SRD5A1: variants seen among roughly 807,000 people sequenced by gnomAD.
SRD5A1 encodes steroid 5 alpha-reductase 1, also known as 3-oxo-5-alpha-steroid 4-dehydrogenase 1.
SRD5A1 carries 22 observed loss-of-function variants against 28.2 expected under a neutral mutation model. The observed-to-expected ratio is 0.78, with a 90% CI of 0.56 to 1.12. The LOEUF (loss-of-function observed/expected upper bound fraction) is 1.12. Ranked by LOEUF, SRD5A1 falls within the 50% of genes most tolerant of loss-of-function variation. The pLI is 0.00. For missense variants in SRD5A1, 300 were observed against 346.7 expected (o/e 0.87, Z 1.07); for synonymous variants, 151 against 135.0 (o/e 1.12, Z -0.82).
chr5:6,653,310 T>G (rs1738734252), intron 2 of SRD5A1: 1 of 152,252 alleles, frequency 6.6e-6, no homozygotes, highest in Non-Finnish European at 1.5e-5. Flanking sequence ...AAGATCCTTT[T>G]CTAGCTCCAG....
Position 6,673,558 on chromosome 5 carries a change from C to T in SRD5A1, c.*5290C>T, listed in dbSNP as rs779135427. 1 of 152,194 alleles carries T rather than the reference C, an allele frequency of 6.6e-6. No homozygotes were observed. Among genetic ancestry groups the T allele is most frequent in the Non-Finnish European group, 1.5e-5 (1 of 68,028 alleles). 9.4% of individuals were successfully genotyped at this position (152,194 alleles called of 1,614,324 possible). Reference sequence around the variant, plus strand: ...AAAAGGTAAACATACTCTTACTAAACAATCTAGTAGATTTGCTCCTAGGTG... The same window carrying T: ...AAAAGGTAAACATACTCTTACTAAATAATCTAGTAGATTTGCTCCTAGGTG... On this transcript the variant is annotated 3_prime_UTR_variant, in exon 5 of 5. Transcript: ENST00000274192.
At chr5:6,648,841 G>A (rs1167629673) in intron 1 of SRD5A1, among the ~76,000 whole-genome samples, 2 of 152,176 alleles carry the variant, frequency 1.3e-5, no homozygotes, top group African/African-American at 4.8e-5. Flanking sequence ...AGGAGAAGAG[G>A]CATTCTGGCT....
chr5:6,658,106 C>T (rs147124648), intron 3 of SRD5A1, among the ~76,000 whole-genome samples: 2,632 of 152,318 alleles, frequency 0.017, 35 homozygotes, highest in Non-Finnish European at 0.027. Context: ...GGGCAGATCA[C>T]ATGAGGTCCA....
At chr5:6,668,179 C>T in intron 4 of SRD5A1, 23 bp from the exon 5 acceptor site, 1 of 1,467,458 alleles carries the variant, frequency 6.8e-7, no homozygotes, top group Non-Finnish European at 9.3e-7. Context: ...GAATTATTTC[C>T]TTTTTTAATT....
intron 3 of SRD5A1, 125 bp downstream of exon 3, chr5:6,656,304 A>G: frequency 1.4e-6 from 1 of 722,466 alleles, no homozygotes; most frequent in Non-Finnish European, 2.4e-6. Flanking sequence ...AGTGTAAGTC[A>G]TCATTATTAA....
At position 6,673,024 on chromosome 5, in the gene SRD5A1, A is replaced by G. The variant is rs1006599527; in HGVS notation, c.*4756A>G. 4 of 152,196 alleles carry G rather than the reference A, an allele frequency of 2.6e-5. No individual in the cohort carries two copies. Among genetic ancestry groups the G allele is most frequent in the Non-Finnish European group, 2.9e-5 (2 of 68,036 alleles). The allele number at this position is 152,196 out of a possible 1,614,324, so 9.4% of individuals were successfully genotyped here. A position where few individuals can be genotyped will look rare whatever the true frequency, so the allele number is the denominator to read the frequency against. ...TGCAAAGCAGCAAAATCTGCTCTCA[A>G]AGGCTTCACGTAGCCGGGAAAACTC... On this transcript the variant is annotated 3_prime_UTR_variant, in exon 5 of 5. Transcript: ENST00000274192.
rs1465581084 is a variant in SRD5A1, at chr5:6,674,097, T to C, written c.*5829T>C. 1 of 151,864 alleles carries C rather than the reference T, an allele frequency of 6.6e-6. No individual in the cohort carries two copies. Among genetic ancestry groups the C allele is most frequent in the African/African-American group, 2.4e-5 (1 of 41,396 alleles). 9.4% of individuals were successfully genotyped at this position (151,864 alleles called of 1,614,324 possible). ...ATGAATGCTAATGTAAACTCTGGAT[T>C]TTTATTAATAATATTATTTAATTAA... On this transcript the variant is annotated 3_prime_UTR_variant, in exon 5 of 5. Transcript: ENST00000274192.
intron 4 of SRD5A1, among the ~76,000 whole-genome samples, chr5:6,666,272 T>C (rs1016294995): frequency 3.9e-5 from 6 of 152,138 alleles, no homozygotes; most frequent in Non-Finnish European, 5.9e-5. Context: ...CTCAGCCTCC[T>C]GAGTAGCTGG....
intron 1 of SRD5A1, among the ~76,000 whole-genome samples, chr5:6,644,076 C>A (rs1738439510): frequency 6.6e-6 from 1 of 152,220 alleles, no homozygotes; most frequent in Admixed American, 6.5e-5. Flanking sequence ...GAGGGAACGT[C>A]CACCACATAC....
At chr5:6,638,243 G>A (rs1291543156) in intron 1 of SRD5A1, among the ~76,000 whole-genome samples, 1 of 152,238 alleles carries the variant, frequency 6.6e-6, no homozygotes, top group Non-Finnish European at 1.5e-5. Flanking sequence ...GGAGGCTGAG[G>A]CAGGAGAATC....
At chr5:6,663,646 G>T (rs367695421) in intron 4 of SRD5A1, among the ~76,000 whole-genome samples, 1 of 152,150 alleles carries the variant, frequency 6.6e-6, no homozygotes, top group African/African-American at 2.4e-5. Context: ...GATCACTTGA[G>T]GTCAGGAGTT....
At chr5:6,666,413 A>G (rs543716293) in intron 4 of SRD5A1, among the ~76,000 whole-genome samples, 110 of 152,308 alleles carry the variant, frequency 7.2e-4, no homozygotes, top group East Asian at 1.9e-3. Flanking sequence ...CTCCCAAAGC[A>G]CTGGAATTAC....
chr5:6,672,075 C>T lies in SRD5A1; in HGVS notation c.*3807C>T, dbSNP rs1205263623. ...ACTATGCTGAACAATCCACTGACCA[C>T]TGCAGGCTCCCATTTATGATCTTGG... On this transcript the variant is annotated 3_prime_UTR_variant, in exon 5 of 5. Transcript: ENST00000274192. The T allele has an allele frequency of 6.6e-6, 1 of 152,308 alleles. No individual in the cohort carries two copies. Among genetic ancestry groups the T allele is most frequent in the African/African-American group, 2.4e-5 (1 of 41,460 alleles). 9.4% of individuals were successfully genotyped at this position (152,308 alleles called of 1,614,324 possible).
intron 3 of SRD5A1, among the ~76,000 whole-genome samples, chr5:6,662,167 A>G (rs1036285937): frequency 6.6e-6 from 1 of 152,184 alleles, no homozygotes; most frequent in Non-Finnish European, 1.5e-5. Context: ...CCTCACCTGC[A>G]AGCCTTGAAT....
At chr5:6,637,310 C>G (rs1414381871) in intron 1 of SRD5A1, among the ~76,000 whole-genome samples, 1 of 152,174 alleles carries the variant, frequency 6.6e-6, no homozygotes, top group Admixed American at 6.5e-5. Flanking sequence ...CCCTGGCCCT[C>G]TATTTTGTCT....
At chr5:6,637,378 T>G (rs1230537208) in intron 1 of SRD5A1, among the ~76,000 whole-genome samples, 1 of 151,668 alleles carries the variant, frequency 6.6e-6, no homozygotes, top group Non-Finnish European at 1.5e-5. Flanking sequence ...TTGCTGGGCT[T>G]CTTCACTCTT....
In SRD5A1 at chr5:6,672,155, T is replaced by C. The variant is rs1739380686; in HGVS notation, c.*3887T>C. On this transcript the variant is annotated 3_prime_UTR_variant, in exon 5 of 5. Coordinates refer to ENST00000274192, the MANE Select transcript of SRD5A1 (RefSeq NM_001047.4). ...GTCTCACTGAGGGCAGTTACTTCTTTGGAGTGGCATGCCTCTGAGCAGATA... is the reference window on the plus strand; with the variant it reads ...GTCTCACTGAGGGCAGTTACTTCTTCGGAGTGGCATGCCTCTGAGCAGATA... The C allele has an allele frequency of 6.6e-6, 1 of 152,248 alleles. No homozygotes were observed. 9.4% of individuals were successfully genotyped at this position (152,248 alleles called of 1,614,324 possible). A position where few individuals can be genotyped will look rare whatever the true frequency, so the allele number is the denominator to read the frequency against.
Position 6,641,664 on chromosome 5 carries a change from T to C in SRD5A1, c.293+7795T>C, listed in dbSNP as rs1435547055. Among the ~76,000 whole-genome samples the C allele has an allele frequency of 2.0e-5, 3 of 152,336 alleles. No homozygotes were observed. In the East Asian group the frequency reaches 5.8e-4, roughly 29 times the overall value. On this transcript the variant is annotated intron_variant, in intron 1 of 4. Coordinates refer to ENST00000274192, the MANE Select transcript of SRD5A1 (RefSeq NM_001047.4). ...GAACACCAGAAGAGACTGGTGTCGATCTTTGTAAGGCTCGGTTTCCAGTCC... is the reference window on the plus strand; with the variant it reads ...GAACACCAGAAGAGACTGGTGTCGACCTTTGTAAGGCTCGGTTTCCAGTCC...
Position 6,655,546 on chromosome 5 carries a change from C to G in SRD5A1, c.461-532C>G, listed in dbSNP as rs8192202. 1.2e-3 allele frequency among the ~76,000 whole-genome samples: 176 copies of G among 152,278 alleles called. 1 individual carries two copies. Among genetic ancestry groups the G allele is most frequent in the Middle Eastern group, 3.4e-3 (1 of 294 alleles). ...TTCTGCTGTGGGGGAAACATAGATGCGCATTAATTTGTTTAAATGAGGTTG... is the reference window on the plus strand; with the variant it reads ...TTCTGCTGTGGGGGAAACATAGATGGGCATTAATTTGTTTAAATGAGGTTG... On this transcript the variant is annotated intron_variant, in intron 2 of 4. Coordinates refer to ENST00000274192, the MANE Select transcript of SRD5A1 (RefSeq NM_001047.4).
Sources: gnomAD v4.1 joint callset for allele counts (sites outside exome capture counted in the v4.1 genomes callset) on GRCh38, gnomAD v4.1.1 for gene constraint, MANE v1.5 for transcripts, NCBI Gene and HGNC (gene_info 2026-07-23, HGNC 2026-07-21) for gene names.